SLC7A2: variants seen among roughly 807,000 people sequenced by gnomAD.
SLC7A2 encodes the protein solute carrier family 7 member 2.
A neutral mutation model predicts 58.9 loss-of-function variants in SLC7A2; 48 were observed. The observed-to-expected ratio is 0.82, with a 90% CI of 0.65 to 1.04. The LOEUF (loss-of-function observed/expected upper bound fraction) is 1.04. Ranked by LOEUF, SLC7A2 falls within the 50% of genes least tolerant of loss-of-function variation. SLC7A2 has a pLI of 0.00. For missense variants in SLC7A2, 1,029 were observed against 818.8 expected (o/e 1.26, Z -3.13); for synonymous variants, 363 against 314.5 (o/e 1.15, Z -1.63).
intron 2 of SLC7A2, among the ~76,000 whole-genome samples, chr8:17,508,212 TTGA>T (rs1390779703): frequency 1.3e-5 from 2 of 152,162 alleles, no homozygotes; most frequent in Non-Finnish European, 2.9e-5. Flanking sequence ...AAAATTCCTG[TTGA>T]TAGTGCATTT....
intron 2 of SLC7A2, among the ~76,000 whole-genome samples, chr8:17,530,800 G>A (rs1029154844): frequency 2.0e-5 from 3 of 152,020 alleles, no homozygotes; most frequent in Admixed American, 1.3e-4. Context: ...TCAAACTCCT[G>A]ACCTCAAGTG....
chr8:17,558,601 G>C (rs1376850258), intron 9 of SLC7A2, among the ~76,000 whole-genome samples: 2 of 152,170 alleles, frequency 1.3e-5, no homozygotes, highest in Non-Finnish European at 2.9e-5. Flanking sequence ...ATGAGTGATA[G>C]GTTGGCCTGA....
At chr8:17,538,815 A>T in intron 2 of SLC7A2, 1 of 1,613,708 alleles carries the variant, frequency 6.2e-7, no homozygotes, top group Non-Finnish European at 8.5e-7. Context: ...CCACGAAACT[A>T]GCAACTGGAA....
chr8:17,547,066 T>C (rs1802206606), intron 4 of SLC7A2, among the ~76,000 whole-genome samples: 1 of 152,176 alleles, frequency 6.6e-6, no homozygotes. Context: ...AGAGAGCTTA[T>C]GGCATTAATA....
At chr8:17,538,631 GTTATAAT>G in intron 2 of SLC7A2, 1 of 550,548 alleles carries the variant, frequency 1.8e-6, no homozygotes, top group Non-Finnish European at 3.1e-6. Context: ...TTTAACCCAC[GTTATAAT>G]TTGAAAATTT....
upstream of SLC7A2, among the ~76,000 whole-genome samples, chr8:17,496,770 A>G (rs928872862): frequency 6.6e-6 from 1 of 152,188 alleles, no homozygotes; most frequent in African/African-American, 2.4e-5. Context: ...TCTGCTTAGA[A>G]GATTCGGAAA....
chr8:17,537,953 T>A (rs1364170985), intron 2 of SLC7A2, among the ~76,000 whole-genome samples: 1 of 152,202 alleles, frequency 6.6e-6, no homozygotes, highest in Non-Finnish European at 1.5e-5. Flanking sequence ...TTTTTCTGCA[T>A]CTCTTTGAGC....
Position 17,535,719 on chromosome 8 carries a change from A to G in SLC7A2, c.-22-7599A>G, listed in dbSNP as rs543177770. On this transcript the variant is annotated intron_variant, in intron 2 of 12. Coordinates refer to ENST00000494857, the MANE Select transcript of SLC7A2 (RefSeq NM_001370338.1). Reference sequence around the variant, plus strand: ...GGAGTTCGAAACCAGCCTGGCCAACATGGTGAAACCCTGTCTCTACTAAAA... The same window carrying G: ...GGAGTTCGAAACCAGCCTGGCCAACGTGGTGAAACCCTGTCTCTACTAAAA... Among the ~76,000 whole-genome samples the G allele has an allele frequency of 5.3e-5, 8 of 152,292 alleles. 1 individual carries two copies. The East Asian group carries it at 7.8e-4, about 15-fold the overall frequency.
intron 2 of SLC7A2, among the ~76,000 whole-genome samples, chr8:17,522,334 G>T (rs1423869802): frequency 1.3e-5 from 2 of 152,046 alleles, no homozygotes; most frequent in Non-Finnish European, 2.9e-5. Context: ...CTCCCACTAG[G>T]TCCCTCCCAC....
chr8:17,509,677 C>T (rs1278810521), intron 2 of SLC7A2, among the ~76,000 whole-genome samples: 1 of 151,980 alleles, frequency 6.6e-6, no homozygotes, highest in African/African-American at 2.4e-5. Flanking sequence ...TATTTTTTCG[C>T]CTCCAACAAA....
intron 2 of SLC7A2, among the ~76,000 whole-genome samples, chr8:17,535,580 G>A (rs111594179): frequency 0.015 from 2,262 of 152,278 alleles, 61 homozygotes; most frequent in African/African-American, 0.052. Context: ...TTGGGGGAAC[G>A]AATAAAGTAG....
Position 17,543,514 on chromosome 8 carries a change from G to A in SLC7A2, c.175G>A (p.Val59Met), listed in dbSNP as rs1457439197. ...GAGVYVLAGE[V>M]AKADSGPSIV... is the part of the protein sequence containing the mutation. The stretch of plus-strand genomic sequence containing the variant: ...CGGGGTTTATGTCCTCGCTGGGGAG[G>A]TGGCCAAGGCAGACTCGGGCCCCAG... Residue 59 changes from valine (V) to methionine (M), a missense_variant, in exon 3 of 13, where the codon GTG becomes ATG. Coordinates refer to ENST00000494857, the MANE Select transcript of SLC7A2 (RefSeq NM_001370338.1). 1.2e-6 allele frequency: 2 copies of A among 1,613,896 alleles called. No homozygotes were observed. The highest frequency in any genetic ancestry group is 2.2e-5 in the East Asian group (1 of 44,868).
rs778844200 is a variant in SLC7A2, at chr8:17,538,847, A to G, written c.-22-4471A>G. On this transcript the variant is annotated intron_variant, in intron 2 of 12. Coordinates refer to ENST00000494857, the MANE Select transcript of SLC7A2 (RefSeq NM_001370338.1). Reference sequence around the variant, plus strand: ...GGAATGAAGATAGAAACAAGTGGTTATAACTCAGACAAACTAATTTGTCGA... The same window carrying G: ...GGAATGAAGATAGAAACAAGTGGTTGTAACTCAGACAAACTAATTTGTCGA... 4.3e-6 allele frequency: 7 copies of G among 1,613,584 alleles called. No individual in the cohort carries two copies. The Admixed American group carries it at 1.0e-4, about 23-fold the overall frequency.
chr8:17,558,531 GC>G, intron 9 of SLC7A2, 134 bp downstream of exon 9: 1 of 525,648 alleles, frequency 1.9e-6, no homozygotes, highest in Non-Finnish European at 3.4e-6. Context: ...TAACAAAATA[GC>G]AATGAAAAGT....
chr8:17,546,368 A>G (rs887115600), intron 4 of SLC7A2, among the ~76,000 whole-genome samples: 1 of 152,208 alleles, frequency 6.6e-6, no homozygotes, highest in Non-Finnish European at 1.5e-5. Context: ...ATCTCTGAAG[A>G]TCAAAACCTC....
chr8:17,556,243 T>C (rs1480792889), intron 8 of SLC7A2, among the ~76,000 whole-genome samples: 1 of 152,084 alleles, frequency 6.6e-6, no homozygotes, highest in Non-Finnish European at 1.5e-5. Flanking sequence ...TAAATATTTT[T>C]TGACAAAGAG....
chr8:17,527,887 C>G (rs1346152760), intron 2 of SLC7A2, among the ~76,000 whole-genome samples: 1 of 152,132 alleles, frequency 6.6e-6, no homozygotes, highest in Non-Finnish European at 1.5e-5. Flanking sequence ...CAATACATAA[C>G]AAGGAGTAAA....
intron 2 of SLC7A2, among the ~76,000 whole-genome samples, chr8:17,512,089 T>C (rs1260301241): frequency 6.6e-6 from 1 of 152,190 alleles, no homozygotes; most frequent in East Asian, 1.9e-4. Flanking sequence ...TGTACTTAGG[T>C]AGAGACATAC....
At chr8:17,537,204 G>T (rs886877329) in intron 2 of SLC7A2, among the ~76,000 whole-genome samples, 1 of 152,084 alleles carries the variant, frequency 6.6e-6, no homozygotes, top group African/African-American at 2.4e-5. Flanking sequence ...TTACAGGCAC[G>T]TAACACCATG....
Sources: allele counts gnomAD v4.1 joint callset (sites outside exome capture counted in the v4.1 genomes callset), GRCh38; gene constraint gnomAD v4.1.1; transcripts MANE v1.5; gene names NCBI Gene and HGNC (gene_info 2026-07-23, HGNC 2026-07-21).